The following NRXN3 variants were observed in gnomAD, a reference collection of about 807,000 sequenced individuals.
NRXN3 encodes the protein neurexin 3, also known as neurexin III.
A neutral mutation model predicts 137.6 loss-of-function variants in NRXN3; 32 were observed. That is an observed-to-expected ratio of 0.23 (90% CI 0.18 to 0.31). The LOEUF (loss-of-function observed/expected upper bound fraction) is 0.31, where lower values mean the gene tolerates loss of function less well. Among genes scored for constraint, NRXN3 ranks in the 10% least tolerant of loss-of-function variants. The probability of loss-of-function intolerance (pLI) is 1.00; values close to 1 mark genes in which losing one functional copy is unlikely to be tolerated. For missense variants in NRXN3, 1,574 were observed against 2,062.5 expected (o/e 0.76, Z 4.59); for synonymous variants, 798 against 784.5 (o/e 1.02, Z -0.29).
In NRXN3 at chr14:79,861,636, C is replaced by G; in HGVS notation, c.4388C>G (p.Ser1463Cys). 6.2e-7 allele frequency: 1 copy of G among 1,614,124 alleles called. No homozygotes were observed. The highest frequency in any genetic ancestry group is 8.5e-7 in the Non-Finnish European group (1 of 1,180,022). Residue 1463 changes from serine to cysteine, a missense_variant, in exon 21 of 21, where the codon TCC becomes TGC. Ser to Cys is a moderately radical substitution (Grantham distance 112). This residue lies in a region of NRXN3 where 320 missense variants were observed against 387.1 expected (regional missense o/e 0.83). Transcript: ENST00000335750. The surrounding 1 kb of genome is among the most constrained non-coding windows in gnomAD (Gnocchi z 5.4). ...AAACTGAAGAGCCCACTAATTACTT[C>G]CCCCATGTTCCGTAATGTGCCCACA... is the stretch of plus-strand genomic sequence containing the variant. ...STKLKSPLIT[S>C]PMFRNVPTAN...
At chr14:79,724,795 G>C (rs1434469471) in intron 19 of NRXN3, among the ~76,000 whole-genome samples, 2 of 151,988 alleles carry the variant, frequency 1.3e-5, no homozygotes, top group Non-Finnish European at 2.9e-5. Flanking sequence ...ACCATGGCTG[G>C]GCCCTTCAGA....
At chr14:79,393,564 A>G (rs530175182) in intron 15 of NRXN3, among the ~76,000 whole-genome samples, 3 of 152,286 alleles carry the variant, frequency 2.0e-5, no homozygotes, top group African/African-American at 7.2e-5. Context: ...AACAAAAGTT[A>G]TACACTTTGG....
chr14:78,176,109 T>G (rs213566), intron 1 of NRXN3, among the ~76,000 whole-genome samples: 132,531 of 152,104 alleles, frequency 0.87, 57,912 homozygotes, highest in African/African-American at 0.93. Flanking sequence ...CTAGCACTTG[T>G]GGCCTGTCTT....
intron 11 of NRXN3, among the ~76,000 whole-genome samples, chr14:78,962,722 C>CTT (rs34252004): frequency 1.3e-5 from 2 of 150,602 alleles, no homozygotes; most frequent in Middle Eastern, 3.4e-3. Context: ...TTCTTTCTTT[C>CTT]TTTTTTTTTG....
At chr14:79,222,761 A>G (rs2070028816) in intron 15 of NRXN3, among the ~76,000 whole-genome samples, 1 of 152,028 alleles carries the variant, frequency 6.6e-6, no homozygotes, top group South Asian at 2.1e-4. Context: ...TTTAATTTGC[A>G]TTTCCCCAGT....
intron 15 of NRXN3, among the ~76,000 whole-genome samples, chr14:79,222,811 A>G (rs1462565323): frequency 2.0e-5 from 3 of 152,092 alleles, no homozygotes; most frequent in African/African-American, 4.8e-5. Flanking sequence ...AATTATTGCC[A>G]TCTGTATTAC....
intron 15 of NRXN3, among the ~76,000 whole-genome samples, chr14:79,019,089 G>C (rs529125876): frequency 6.6e-6 from 1 of 152,122 alleles, no homozygotes; most frequent in Admixed American, 6.5e-5. Context: ...ATTCAGTACA[G>C]ATGATGTAGG....
intron 15 of NRXN3, among the ~76,000 whole-genome samples, chr14:79,147,281 T>C (rs2059388109): frequency 6.6e-6 from 1 of 152,188 alleles, no homozygotes; most frequent in African/African-American, 2.4e-5. Context: ...CTTCATTTGC[T>C]GAGTATCATT....
chr14:78,633,340 A>G (rs1478669436), intron 4 of NRXN3, among the ~76,000 whole-genome samples: 2 of 151,542 alleles, frequency 1.3e-5, no homozygotes, highest in Non-Finnish European at 2.9e-5. Context: ...TTTATGCACC[A>G]TATTAGTACT....
At chr14:79,300,690 T>C (rs186659865) in intron 15 of NRXN3, among the ~76,000 whole-genome samples, 3 of 151,640 alleles carry the variant, frequency 2.0e-5, no homozygotes. Flanking sequence ...AAGAACACTT[T>C]CGCTGTATTC....
At chr14:78,465,909 T>G (rs575278836) in intron 4 of NRXN3, among the ~76,000 whole-genome samples, 1 of 151,928 alleles carries the variant, frequency 6.6e-6, no homozygotes, top group South Asian at 2.1e-4. Context: ...TGGAGTGCAG[T>G]GACGCGATCT....
intron 15 of NRXN3, among the ~76,000 whole-genome samples, chr14:79,008,215 C>CA (rs1466334513): frequency 4.6e-5 from 7 of 152,078 alleles, no homozygotes; most frequent in Non-Finnish European, 1.0e-4. Flanking sequence ...CAATTTAGGA[C>CA]AAAAAGCAGC....
chr14:78,805,627 C>G (rs2098860785), intron 9 of NRXN3, among the ~76,000 whole-genome samples: 2 of 149,806 alleles, frequency 1.3e-5, no homozygotes, highest in Admixed American at 6.6e-5. Flanking sequence ...GAACCAAATA[C>G]AACCCCATAA....
At chr14:79,790,895 C>T (rs1429555706) in intron 19 of NRXN3, among the ~76,000 whole-genome samples, 2 of 152,098 alleles carry the variant, frequency 1.3e-5, no homozygotes, top group African/African-American at 4.8e-5. Flanking sequence ...GTGATCCACC[C>T]GCCTTGACCT....
chr14:78,933,673 T>C (rs154329), intron 10 of NRXN3, among the ~76,000 whole-genome samples: 39,844 of 152,094 alleles, frequency 0.26, 7,484 homozygotes, highest in African/African-American at 0.52. Flanking sequence ...CTAACCATTT[T>C]GTTATTGACA....
intron 8 of NRXN3, among the ~76,000 whole-genome samples, chr14:78,766,540 T>C (rs1567250638): frequency 6.6e-6 from 1 of 152,248 alleles, no homozygotes; most frequent in Non-Finnish European, 1.5e-5. Context: ...TGATTGTGGA[T>C]ATCTGAAATC....
chr14:78,405,637 A>T (rs2092437605), intron 4 of NRXN3, among the ~76,000 whole-genome samples: 1 of 151,592 alleles, frequency 6.6e-6, no homozygotes, highest in African/African-American at 2.4e-5. Flanking sequence ...GTATCTGATG[A>T]ATTCCTGCAA....
intron 15 of NRXN3, among the ~76,000 whole-genome samples, chr14:78,991,138 A>C (rs117487418): frequency 0.023 from 3,565 of 152,320 alleles, 70 homozygotes; most frequent in Non-Finnish European, 0.034. Flanking sequence ...AATTGCAAAG[A>C]AAGATAAGCT....
intron 1 of NRXN3, among the ~76,000 whole-genome samples, chr14:78,225,847 G>A (rs1307999894): frequency 1.3e-5 from 2 of 152,134 alleles, no homozygotes; most frequent in Middle Eastern, 3.4e-3. Flanking sequence ...CTCCCCTTAT[G>A]GTTACTGCTC....
Sources: allele counts gnomAD v4.1 joint callset (sites outside exome capture counted in the v4.1 genomes callset), GRCh38; gene constraint gnomAD v4.1.1; regional missense constraint gnomAD v4.1.1; non-coding constraint Gnocchi (gnomAD v3.1); transcripts MANE v1.5; gene names NCBI Gene and HGNC (gene_info 2026-07-23, HGNC 2026-07-21).